NDST4: variants seen among roughly 807,000 people sequenced by gnomAD.
The protein encoded by NDST4 is N-deacetylase and N-sulfotransferase 4, also known as N-heparan sulfate sulfotransferase 4.
A neutral mutation model predicts 100.8 loss-of-function variants in NDST4; 63 were observed. The observed-to-expected ratio is 0.62, with a 90% confidence interval of 0.51 to 0.77. The LOEUF (loss-of-function observed/expected upper bound fraction) is 0.77, where lower values mean the gene tolerates loss of function less well. NDST4 is among the 30% of genes least tolerant of loss of function. The probability of loss-of-function intolerance (pLI) is 0.00; values close to 1 mark genes in which losing one functional copy is unlikely to be tolerated. For synonymous variants in NDST4, 377 were observed against 361.8 expected (o/e 1.04, Z -0.48); for missense variants, 943 against 1,018.4 (o/e 0.93, Z 1.01).
At chr4:115,107,819 A>G (rs1413894972) in intron 1 of NDST4, among the ~76,000 whole-genome samples, 1 of 152,030 alleles carries the variant, frequency 6.6e-6, no homozygotes, top group Non-Finnish European at 1.5e-5. Context: ...AAAAGTAAAA[A>G]AGCTATTTTT....
intron 2 of NDST4, among the ~76,000 whole-genome samples, chr4:115,069,457 G>C (rs994890942): frequency 1.3e-4 from 19 of 151,952 alleles, no homozygotes; most frequent in Middle Eastern, 3.4e-3. Flanking sequence ...AAATTTACAA[G>C]AAAAAAACAA....
rs779038346 is a variant in NDST4, at chr4:115,077,143, A to G, written c.-107T>C. ...ATATCACTTCCCCAGAGTTCATGTA[A>G]CCATCGCAAATCATGTAAAATGTTT... On this transcript the variant is annotated 5_prime_UTR_variant, in exon 2 of 14. Transcript: ENST00000264363. 6.0e-5 allele frequency: 63 copies of G among 1,049,804 alleles called. No homozygotes were observed. Among genetic ancestry groups the G allele is most frequent in the Non-Finnish European group, 7.8e-5 (58 of 743,868 alleles). 65.0% of individuals were successfully genotyped at this position (1,049,804 alleles called of 1,614,324 possible).
At chr4:114,830,491 G>C (rs761165907) in intron 12 of NDST4, among the ~76,000 whole-genome samples, 1 of 152,220 alleles carries the variant, frequency 6.6e-6, no homozygotes, top group African/African-American at 2.4e-5. Flanking sequence ...GTTGAAGGCA[G>C]ATAATCTGTT....
intron 2 of NDST4, among the ~76,000 whole-genome samples, chr4:115,017,357 A>T (rs74700222): frequency 6.6e-6 from 1 of 151,996 alleles, no homozygotes. Context: ...TATTCAATAT[A>T]TGCATTTCCT....
At chr4:114,905,359 C>A (rs1724926594) in intron 6 of NDST4, among the ~76,000 whole-genome samples, 1 of 151,788 alleles carries the variant, frequency 6.6e-6, no homozygotes, top group Non-Finnish European at 1.5e-5. Flanking sequence ...ATGGGGATTT[C>A]TTAACAATTT....
chr4:114,866,793 T>A (rs2126195152), intron 7 of NDST4, among the ~76,000 whole-genome samples: 1 of 152,280 alleles, frequency 6.6e-6, no homozygotes, highest in East Asian at 1.9e-4. Context: ...TTTGTTCACA[T>A]AACAAGCAGT....
chr4:114,905,805 T>G lies in NDST4; in HGVS notation c.1536+29401A>C, dbSNP rs1724937011. On this transcript the variant is annotated intron_variant, in intron 6 of 13. Coordinates refer to ENST00000264363, the MANE Select transcript of NDST4 (RefSeq NM_022569.3). ...ATTCATTTTAGGTAATCAGAGAATT[T>G]TGTATCAGCTGTTTTTTACCTTAAA... 2.0e-5 allele frequency among the ~76,000 whole-genome samples: 3 copies of G among 152,160 alleles called. No homozygotes were observed. The South Asian group carries it at 6.2e-4, about 31-fold the overall frequency.
At chr4:114,959,035 A>G (rs1726202228) in intron 4 of NDST4, among the ~76,000 whole-genome samples, 1 of 152,124 alleles carries the variant, frequency 6.6e-6, no homozygotes, top group African/African-American at 2.4e-5. Context: ...GGGCAGGGGC[A>G]AAATGTCCCC....
chr4:115,105,489 C>T (rs577114948), intron 1 of NDST4, among the ~76,000 whole-genome samples: 4 of 152,010 alleles, frequency 2.6e-5, no homozygotes, highest in Admixed American at 2.0e-4. Context: ...TAATTTTACC[C>T]AGTGGTTATT....
At chr4:115,044,324 CAACA>C (rs938512534) in intron 2 of NDST4, among the ~76,000 whole-genome samples, 1 of 151,864 alleles carries the variant, frequency 6.6e-6, no homozygotes, top group African/African-American at 2.4e-5. Context: ...GATTCAGGGG[CAACA>C]AACAGACACA....
At chr4:115,058,980 T>A (rs1728758927) in intron 2 of NDST4, among the ~76,000 whole-genome samples, 1 of 148,800 alleles carries the variant, frequency 6.7e-6, no homozygotes, top group African/African-American at 2.5e-5. Flanking sequence ...GTTCTGAAGC[T>A]ACACACACAC....
intron 1 of NDST4, among the ~76,000 whole-genome samples, chr4:115,087,328 A>G (rs749806356): frequency 1.3e-5 from 2 of 152,216 alleles, no homozygotes; most frequent in African/African-American, 2.4e-5. Context: ...CAAGGCATTT[A>G]TCTGACATCC....
At chr4:114,883,627 A>G (rs1047914179) in intron 6 of NDST4, among the ~76,000 whole-genome samples, 2 of 152,098 alleles carry the variant, frequency 1.3e-5, no homozygotes, top group East Asian at 3.8e-4. Context: ...AAACTGTCTA[A>G]ATACACAAAT....
rs149495188 is a variant in NDST4, at chr4:115,069,343, T to C, written c.978+6716A>G. Among the ~76,000 whole-genome samples the C allele has an allele frequency of 1.2e-3, 187 of 152,232 alleles. 1 individual carries two copies. Among genetic ancestry groups the C allele is most frequent in the Non-Finnish European group, 2.2e-4 (15 of 68,018 alleles). On this transcript the variant is annotated intron_variant, in intron 2 of 13. Coordinates refer to ENST00000264363, the MANE Select transcript of NDST4 (RefSeq NM_022569.3). ...ACAAAGAACATTGAAATAAGAAATTTGGTTTTATCAGAGTAAACAGACAAC... is the reference window on the plus strand; with the variant it reads ...ACAAAGAACATTGAAATAAGAAATTCGGTTTTATCAGAGTAAACAGACAAC...
At chr4:114,945,896 A>G (rs1725852618) in intron 4 of NDST4, among the ~76,000 whole-genome samples, 1 of 152,194 alleles carries the variant, frequency 6.6e-6, no homozygotes, top group Admixed American at 6.5e-5. Flanking sequence ...GAGTCTTGAC[A>G]CTTTTTGGAC....
At chr4:114,839,720 T>A (rs1433531265) in intron 10 of NDST4, among the ~76,000 whole-genome samples, 172 bp from the exon 11 acceptor site, 2 of 152,062 alleles carry the variant, frequency 1.3e-5, no homozygotes, top group Non-Finnish European at 2.9e-5. Flanking sequence ...AGAATGAAAA[T>A]AAACTAATGA....
At chr4:115,030,097 G>A (rs1050806934) in intron 2 of NDST4, among the ~76,000 whole-genome samples, 1 of 152,114 alleles carries the variant, frequency 6.6e-6, no homozygotes, top group Non-Finnish European at 1.5e-5. Flanking sequence ...AGATTCCTGT[G>A]TGAGAATTCA....
rs867317150 is a variant in NDST4 at position 114,872,165 on chromosome 4, A to C, written c.1537-1215T>G. Among the ~76,000 whole-genome samples the C allele has an allele frequency of 7.9e-5, 12 of 152,122 alleles. No homozygotes were observed. In the Middle Eastern group the frequency reaches 0.01, roughly 129 times the overall value. ...GCCATGCAATAAAGACTATATGCAGACCTTCTGTTCCCATGATCTAATATG... is the reference window on the plus strand; with the variant it reads ...GCCATGCAATAAAGACTATATGCAGCCCTTCTGTTCCCATGATCTAATATG... On this transcript the variant is annotated intron_variant, in intron 6 of 13. Coordinates refer to ENST00000264363, the MANE Select transcript of NDST4 (RefSeq NM_022569.3).
At chr4:115,021,907 A>C (rs1727836519) in intron 2 of NDST4, among the ~76,000 whole-genome samples, 1 of 147,082 alleles carries the variant, frequency 6.8e-6, no homozygotes, top group African/African-American at 2.7e-5. Flanking sequence ...TACACATTCC[A>C]TATATATATG....
Sources: gnomAD v4.1 joint callset for allele counts (sites outside exome capture counted in the v4.1 genomes callset) on GRCh38, gnomAD v4.1.1 for gene constraint, MANE v1.5 for transcripts, NCBI Gene and HGNC (gene_info 2026-07-23, HGNC 2026-07-21) for gene names.